The following RHAG variants were observed in gnomAD, a reference collection of about 807,000 sequenced individuals.
RHAG encodes the protein ammonium transporter Rh type A.
In RHAG, 25 loss-of-function variants were observed where a neutral mutation model predicts 42.4. The observed-to-expected ratio is 0.59, with a 90% CI of 0.43 to 0.82. The LOEUF is 0.82. Ranked by LOEUF, RHAG falls within the 40% of genes least tolerant of loss-of-function variation. The pLI is 0.00. For synonymous variants in RHAG, 182 were observed against 177.7 expected, an observed-to-expected ratio of 1.02 and a Z score of -0.19; for missense variants, 483 against 504.6, an observed-to-expected ratio of 0.96 and a Z score of 0.41.
At chr6:49,628,359 G>T (rs567882589) in intron 1 of RHAG, among the ~76,000 whole-genome samples, 1 of 152,234 alleles carries the variant, frequency 6.6e-6, no homozygotes, top group Non-Finnish European at 1.5e-5. Flanking sequence ...TTTCCATGCT[G>T]ATCTCAAACT....
At chr6:49,619,689 CT>C (rs1470556772) in intron 1 of RHAG, among the ~76,000 whole-genome samples, 1 of 152,226 alleles carries the variant, frequency 6.6e-6, no homozygotes, top group East Asian at 1.9e-4. Flanking sequence ...AGCATCACCC[CT>C]TCTTGAAGAC....
rs1203153708 is a variant in RHAG, at chr6:49,605,224, CTT to C, written c.*587_*588del. 1 of 154,978 alleles carries C rather than the reference CTT, an allele frequency of 6.5e-6. No homozygotes were observed. Among genetic ancestry groups the C allele is most frequent in the Non-Finnish European group, 1.4e-5 (1 of 69,706 alleles). 9.6% of individuals were successfully genotyped at this position (154,978 alleles called of 1,614,324 possible). On this transcript the variant is annotated 3_prime_UTR_variant, in exon 10 of 10. Coordinates refer to ENST00000371175, the MANE Select transcript of RHAG (RefSeq NM_000324.3). Reference sequence around the variant, plus strand: ...TATTGGACATTTTATGCAAAATAGACTTTGATCAGATAGCATTTGAGCTCGTT... The same window carrying C: ...TATTGGACATTTTATGCAAAATAGACTGATCAGATAGCATTTGAGCTCGTT...
intron 3 of RHAG, among the ~76,000 whole-genome samples, chr6:49,616,993 C>G (rs1762667985): frequency 6.6e-6 from 1 of 152,156 alleles, no homozygotes; most frequent in Non-Finnish European, 1.5e-5. Flanking sequence ...GGCAAAATAA[C>G]CTTCTCTGTT....
intron 1 of RHAG, among the ~76,000 whole-genome samples, chr6:49,628,677 T>C (rs956231629): frequency 6.6e-6 from 1 of 151,608 alleles, no homozygotes; most frequent in African/African-American, 2.4e-5. Context: ...GGTGGGCTCA[T>C]GGTCTCGCTG....
At position 49,618,091 on chromosome 6, in the gene RHAG, A is replaced by G. The variant is rs761862337; in HGVS notation, c.469T>C (p.Tyr157His). The G allele has an allele frequency of 1.2e-6, 2 of 1,614,000 alleles. No individual in the cohort carries two copies. Among genetic ancestry groups the G allele is most frequent in the Non-Finnish European group, 1.7e-6 (2 of 1,179,862 alleles). ...ACCTTAAATATTTCACTAACCAGGT[A>G]TTCATTGTGGGCAAAGAAAACAATT... Reference protein sequence around the residue: ...LEIVFFAHNEYLVSEIFKASD... With the variant: ...LEIVFFAHNEHLVSEIFKASD... Residue 157 changes from tyrosine to histidine, a missense_variant, in exon 3 of 10, where the codon TAC (tyrosine) becomes CAC (histidine). Tyr to His is a moderately conservative substitution (Grantham distance 83). Coordinates refer to ENST00000371175, the MANE Select transcript of RHAG (RefSeq NM_000324.3).
intron 4 of RHAG, chr6:49,615,101 C>A (rs935100265): frequency 4.5e-6 from 2 of 444,926 alleles, no homozygotes; most frequent in Non-Finnish European, 8.1e-6. Context: ...GTGCGGGCTA[C>A]CATGTCCACC....
intron 3 of RHAG, among the ~76,000 whole-genome samples, chr6:49,616,857 A>G (rs1355492577): frequency 1.3e-5 from 2 of 152,176 alleles, no homozygotes; most frequent in African/African-American, 4.8e-5. Flanking sequence ...GTCCCTTCCC[A>G]GCTGGGAAAC....
chr6:49,608,073 A>G (rs1338183593), intron 7 of RHAG, among the ~76,000 whole-genome samples: 1 of 152,202 alleles, frequency 6.6e-6, no homozygotes, highest in Non-Finnish European at 1.5e-5. Context: ...TAACAAAAAG[A>G]AGCAGAAAAG....
At chr6:49,620,591 G>A (rs1281637936) in intron 1 of RHAG, among the ~76,000 whole-genome samples, 1 of 152,060 alleles carries the variant, frequency 6.6e-6, no homozygotes, top group Admixed American at 6.5e-5. Context: ...GAGTGCAGTG[G>A]CATGAACTCG....
At chr6:49,606,148 G>T (rs909879167) in intron 9 of RHAG, among the ~76,000 whole-genome samples, 3 of 152,076 alleles carry the variant, frequency 2.0e-5, no homozygotes, top group Non-Finnish European at 4.4e-5. Flanking sequence ...ATAGAAAGAG[G>T]CTGATGTTTC....
intron 5 of RHAG, among the ~76,000 whole-genome samples, chr6:49,613,606 G>T (rs954269300): frequency 1.3e-5 from 2 of 152,120 alleles, no homozygotes; most frequent in East Asian, 3.9e-4. Context: ...CACCCCACCT[G>T]CCCCACCCAG....
At chr6:49,626,080 G>T (rs963012110) in intron 1 of RHAG, among the ~76,000 whole-genome samples, 3 of 152,080 alleles carry the variant, frequency 2.0e-5, no homozygotes, top group African/African-American at 7.2e-5. Context: ...GATTTGAGTG[G>T]GAACACAGAC....
intron 1 of RHAG, among the ~76,000 whole-genome samples, chr6:49,626,065 G>A (rs1762838604): frequency 6.6e-6 from 1 of 152,156 alleles, no homozygotes; most frequent in Non-Finnish European, 1.5e-5. Flanking sequence ...TACAATTCAA[G>A]ATGAGATTTG....
chr6:49,628,172 AG>A (rs1562019229), intron 1 of RHAG, among the ~76,000 whole-genome samples: 2 of 151,770 alleles, frequency 1.3e-5, no homozygotes, highest in African/African-American at 4.8e-5. Context: ...AGAGAGAGAG[AG>A]AGAGACAGGG....
intron 1 of RHAG, among the ~76,000 whole-genome samples, chr6:49,620,751 A>C (rs147516492): frequency 0.042 from 6,352 of 152,164 alleles, 176 homozygotes; most frequent in South Asian, 0.11. Flanking sequence ...GGCTGGTCTC[A>C]AACTCCTGAC....
chr6:49,622,828 G>T (rs1309457993), intron 1 of RHAG, among the ~76,000 whole-genome samples: 1 of 141,586 alleles, frequency 7.1e-6, no homozygotes, highest in Non-Finnish European at 1.5e-5. Context: ...TGGAAAACCA[G>T]ACTTTTTTTT....
At position 49,614,800 on chromosome 6, in the gene RHAG, G is replaced by T; in HGVS notation, c.694C>A (p.Pro232Thr). The T allele has an allele frequency of 6.2e-7, 1 of 1,614,196 alleles. No individual in the cohort carries two copies. Among genetic ancestry groups the T allele is most frequent in the Non-Finnish European group, 8.5e-7 (1 of 1,180,034 alleles). Residue 232 changes from proline to threonine, a missense_variant, in exon 5 of 10, where the codon CCT becomes ACT. Coordinates refer to ENST00000371175, the MANE Select transcript of RHAG (RefSeq NM_000324.3). ...WPSFNSAIAEPGDKQCRAIVN... is the reference protein window; with the variant it reads ...WPSFNSAIAETGDKQCRAIVN... ...ATGGCCCTGCACTGTTTGTCTCCAG[G>T]TTCAGCAATGGCCGAGTTAAAGCTG...
chr6:49,615,185 C>T (rs544149632), intron 4 of RHAG: 51 of 286,690 alleles, frequency 1.8e-4, no homozygotes, highest in Non-Finnish European at 2.8e-4. Flanking sequence ...CTCCTGACCT[C>T]GTGATCCACC....
In RHAG at chr6:49,620,092, G is replaced by A. The variant is rs80266456; in HGVS notation, c.158-730C>T. Among the ~76,000 whole-genome samples, 134 of 152,252 alleles carry A rather than the reference G, an allele frequency of 8.8e-4. 1 individual carries two copies. The highest frequency in any genetic ancestry group is 3.1e-3 in the African/African-American group (130 of 41,550). The stretch of plus-strand genomic sequence containing the variant: ...ACCATGAAGCATTAATAAACATAAA[G>A]GCTGTATCCTCTTGAGTAACAAATA... On this transcript the variant is annotated intron_variant, in intron 1 of 9. Coordinates refer to ENST00000371175, the MANE Select transcript of RHAG (RefSeq NM_000324.3).
Sources: gnomAD v4.1 joint callset for allele counts (sites outside exome capture counted in the v4.1 genomes callset) on GRCh38, gnomAD v4.1.1 for gene constraint, MANE v1.5 for transcripts, NCBI Gene and HGNC (gene_info 2026-07-23, HGNC 2026-07-21) for gene names.